The following EXT1 variants were observed in gnomAD, a reference collection of about 807,000 sequenced individuals.
EXT1 encodes the protein exostosin-1.
A neutral mutation model predicts 82.5 loss-of-function variants in EXT1; 20 were observed. The ratio of observed to expected loss-of-function variants is 0.24; its 90% CI spans 0.17 to 0.35. The LOEUF is 0.35. EXT1 is among the 10% of genes least tolerant of loss of function. The pLI, the probability that EXT1 is intolerant of heterozygous loss-of-function variation, is 1.00. For synonymous variants in EXT1, 348 were observed against 350.8 expected, an observed-to-expected ratio of 0.99 and a Z score of 0.09; for missense variants, 757 against 936.5, an observed-to-expected ratio of 0.81 and a Z score of 2.50.
At chr8:117,954,303 A>T (rs1814548048) in intron 1 of EXT1, among the ~76,000 whole-genome samples, 1 of 152,236 alleles carries the variant, frequency 6.6e-6, no homozygotes, top group African/African-American at 2.4e-5. Flanking sequence ...AACGGGTTCC[A>T]GGAAAGTCTC....
intron 1 of EXT1, among the ~76,000 whole-genome samples, chr8:117,981,044 C>T (rs958528406): frequency 2.0e-5 from 3 of 152,090 alleles, no homozygotes; most frequent in Admixed American, 6.6e-5. Context: ...ATTGACTGTG[C>T]TTATAAGCTT....
rs541157065 is a variant in EXT1, at chr8:117,925,785, C to A, written c.963-88584G>T. On this transcript the variant is annotated intron_variant, in intron 1 of 10. Transcript: ENST00000378204. Reference sequence around the variant, plus strand: ...TGGTGGCACACACCTGTAGTCCCAGCTACTCTGGAGGCTGAGGTGGGAGGA... The same window carrying A: ...TGGTGGCACACACCTGTAGTCCCAGATACTCTGGAGGCTGAGGTGGGAGGA... 9.9e-5 allele frequency among the ~76,000 whole-genome samples: 15 copies of A among 151,536 alleles called. No individual in the cohort carries two copies. The South Asian group carries it at 3.1e-3, about 32-fold the overall frequency.
At chr8:118,100,248 G>A (rs890400240) in intron 1 of EXT1, among the ~76,000 whole-genome samples, 1 of 152,118 alleles carries the variant, frequency 6.6e-6, no homozygotes, top group Non-Finnish European at 1.5e-5. Flanking sequence ...ATTGTGGTGG[G>A]TCCTGAGAAC....
intron 1 of EXT1, among the ~76,000 whole-genome samples, chr8:117,878,379 A>C (rs969345572): frequency 1.3e-5 from 2 of 152,368 alleles, no homozygotes; most frequent in African/African-American, 4.8e-5. Context: ...CTTCAGTAAA[A>C]TAAAATCAAA....
chr8:117,891,136 C>T (rs1021637916), intron 1 of EXT1, among the ~76,000 whole-genome samples: 1 of 152,204 alleles, frequency 6.6e-6, no homozygotes, highest in Non-Finnish European at 1.5e-5. Flanking sequence ...CCCATCTTTC[C>T]TGAGCTTTGT....
intron 1 of EXT1, among the ~76,000 whole-genome samples, chr8:117,859,640 T>C (rs1253973732): frequency 6.6e-6 from 1 of 152,264 alleles, no homozygotes; most frequent in Non-Finnish European, 1.5e-5. Context: ...ATGAAATGTG[T>C]CCAGTAACCT....
chr8:117,814,478 A>G (rs1235545376), intron 7 of EXT1, among the ~76,000 whole-genome samples: 1 of 152,114 alleles, frequency 6.6e-6, no homozygotes, highest in Non-Finnish European at 1.5e-5. Flanking sequence ...CATCTTTATA[A>G]CAACCCCATT....
chr8:118,037,821 A>T (rs1315439656), intron 1 of EXT1, among the ~76,000 whole-genome samples: 1 of 151,384 alleles, frequency 6.6e-6, no homozygotes, highest in Non-Finnish European at 1.5e-5. Context: ...CTTTGTATCA[A>T]CAAGAGTGTT....
At chr8:117,877,652 G>A (rs1812994122) in intron 1 of EXT1, among the ~76,000 whole-genome samples, 1 of 152,122 alleles carries the variant, frequency 6.6e-6, no homozygotes. Flanking sequence ...ACAAAGCAGA[G>A]GAAATGAGTG....
chr8:117,869,206 A>G (rs999633799), intron 1 of EXT1, among the ~76,000 whole-genome samples: 6 of 152,220 alleles, frequency 3.9e-5, no homozygotes, highest in Non-Finnish European at 5.9e-5. Flanking sequence ...GCCTGCCTCC[A>G]TATCCACCAT....
intron 1 of EXT1, among the ~76,000 whole-genome samples, chr8:117,931,965 G>A (rs1035797106): frequency 6.6e-5 from 10 of 152,070 alleles, no homozygotes; most frequent in African/African-American, 1.2e-4. Context: ...ATGCCCACGC[G>A]GAAAATAAGT....
At chr8:117,923,557 AAAAAAAAAAAT>A (rs1350410970) in intron 1 of EXT1, among the ~76,000 whole-genome samples, 1 of 150,652 alleles carries the variant, frequency 6.6e-6, no homozygotes, top group African/African-American at 2.5e-5. Flanking sequence ...CTCTACTAAA[AAAAAAAAAAAT>A]ACAAAAAATT....
At chr8:118,061,210 C>A (rs772689190) in intron 1 of EXT1, among the ~76,000 whole-genome samples, 20 of 152,342 alleles carry the variant, frequency 1.3e-4, no homozygotes, top group Middle Eastern at 3.4e-3. Flanking sequence ...GTGGCTGGCA[C>A]ACCCATTCAA....
intron 1 of EXT1, among the ~76,000 whole-genome samples, chr8:117,999,074 T>C (rs1423255456): frequency 1.3e-5 from 2 of 152,184 alleles, no homozygotes; most frequent in African/African-American, 2.4e-5. Flanking sequence ...CATAGAAAAC[T>C]AGGAGTGCCA....
chr8:117,815,094 T>C (rs1454136982), intron 7 of EXT1, among the ~76,000 whole-genome samples: 1 of 152,222 alleles, frequency 6.6e-6, no homozygotes, highest in Non-Finnish European at 1.5e-5. Flanking sequence ...AGCAACCTCA[T>C]AGACACAGTG....
chr8:117,816,629 C>T (rs1279960707), intron 7 of EXT1, among the ~76,000 whole-genome samples: 1 of 152,118 alleles, frequency 6.6e-6, no homozygotes, highest in Non-Finnish European at 1.5e-5. Context: ...TTGTAAGAGA[C>T]ATCTGATAAA....
At chr8:118,104,471 A>G (rs955217581) in intron 1 of EXT1, among the ~76,000 whole-genome samples, 1 of 152,162 alleles carries the variant, frequency 6.6e-6, no homozygotes, top group Non-Finnish European at 1.5e-5. Context: ...CGAGAGAAAA[A>G]AAACGCACTA....
chr8:117,847,650 T>A (rs1156718041), intron 1 of EXT1, among the ~76,000 whole-genome samples: 1 of 152,154 alleles, frequency 6.6e-6, no homozygotes, highest in East Asian at 1.9e-4. Flanking sequence ...AAGCAATGAC[T>A]CCCTCCCTCT....
chr8:118,068,874 T>G (rs1374883432), intron 1 of EXT1, among the ~76,000 whole-genome samples: 1 of 152,208 alleles, frequency 6.6e-6, no homozygotes, highest in Non-Finnish European at 1.5e-5. Context: ...ACTATTACCA[T>G]TGCTGTTGTG....
Sources: gnomAD v4.1 joint callset for allele counts (sites outside exome capture counted in the v4.1 genomes callset) on GRCh38, gnomAD v4.1.1 for gene constraint, MANE v1.5 for transcripts, NCBI Gene and HGNC (gene_info 2026-07-23, HGNC 2026-07-21) for gene names.